Variants in MTURN observed in about 807,000 individuals in gnomAD.
The protein encoded by MTURN is maturin.
A neutral mutation model predicts 14.9 loss-of-function variants in MTURN; 7 were observed. The ratio of observed to expected loss-of-function variants is 0.47; its 90% CI spans 0.27 to 0.88. The LOEUF is 0.88. Among genes scored for constraint, MTURN ranks in the 40% least tolerant of loss-of-function variants. The probability of loss-of-function intolerance (pLI) is 0.14; values close to 1 mark genes in which losing one functional copy is unlikely to be tolerated. For missense variants in MTURN, 151 were observed against 174.1 expected (o/e 0.87, Z 0.75); for synonymous variants, 69 against 72.5 (o/e 0.95, Z 0.25).
At chr7:30,138,261 G>A (rs536895217) in intron 1 of MTURN, among the ~76,000 whole-genome samples, 17 of 152,140 alleles carry the variant, frequency 1.1e-4, no homozygotes, top group South Asian at 4.1e-4. Flanking sequence ...GATTAAAGGC[G>A]TGCACCCCAC....
intron 1 of MTURN, among the ~76,000 whole-genome samples, chr7:30,143,052 G>A (rs1212738518): frequency 6.6e-6 from 1 of 152,124 alleles, no homozygotes; most frequent in African/African-American, 2.4e-5. Context: ...CTGTTCTCAG[G>A]AGCACCAGCC....
At chr7:30,136,010 G>T (rs1405950523) in intron 1 of MTURN, among the ~76,000 whole-genome samples, 2 of 84,222 alleles carry the variant, frequency 2.4e-5, no homozygotes, top group East Asian at 3.7e-4. Flanking sequence ...CCTCACACGC[G>T]CACACTCACG....
intron 1 of MTURN, chr7:30,137,502 C>A: frequency 2.3e-6 from 1 of 425,722 alleles, no homozygotes; most frequent in Non-Finnish European, 4.9e-6. Flanking sequence ...TTCCCATCTG[C>A]ATGAGAAAAA....
Position 30,160,288 on chromosome 7 carries a change from C to CT in MTURN, c.*2741dup, listed in dbSNP as rs1476183046. On this transcript the variant is annotated 3_prime_UTR_variant, in exon 3 of 3. Transcript: ENST00000324453. ...TGTTGATCTGTGAGTGCCCAAGCCC[C>CT]TGAGGGCTCGATCTCATGGGGCAGA... 1.3e-5 allele frequency: 2 copies of CT among 152,328 alleles called. No individual in the cohort carries two copies. The highest frequency in any genetic ancestry group is 2.9e-5 in the Non-Finnish European group (2 of 68,110). 9.4% of individuals were successfully genotyped at this position (152,328 alleles called of 1,614,324 possible). A position where few individuals can be genotyped will look rare whatever the true frequency, so the allele number is the denominator to read the frequency against.
At chr7:30,146,361 C>G in intron 2 of MTURN, 62 bp downstream of exon 2, 1 of 1,600,354 alleles carries the variant, frequency 6.2e-7, no homozygotes, top group Non-Finnish European at 8.5e-7. Flanking sequence ...TTTAGAATAA[C>G]AGGGGCGGTG....
chr7:30,136,442 C>T (rs1050297413), intron 1 of MTURN, among the ~76,000 whole-genome samples: 14 of 152,012 alleles, frequency 9.2e-5, no homozygotes, highest in Non-Finnish European at 1.5e-4. Flanking sequence ...GCCTTGTGGG[C>T]GGAGGTGGGG....
At position 30,157,565 on chromosome 7, in the gene MTURN, G is replaced by A. The variant is rs376639917; in HGVS notation, c.*17G>A. ...CAGCAGTAAATCTGGGGGCTCCCCT[G>A]AGAAGGAGAGTGAGCCCCACAGTAA... On this transcript the variant is annotated 3_prime_UTR_variant, in exon 3 of 3. Transcript: ENST00000324453. The A allele has an allele frequency of 1.6e-5, 25 of 1,576,400 alleles. No individual in the cohort carries two copies. In the African/African-American group the frequency reaches 2.6e-4, roughly 16 times the overall value.
intron 1 of MTURN, among the ~76,000 whole-genome samples, chr7:30,136,705 A>G (rs1320948581): frequency 6.6e-6 from 1 of 152,204 alleles, no homozygotes; most frequent in Non-Finnish European, 1.5e-5. Context: ...GCACTCCAGA[A>G]GAGGGATGGC....
intron 1 of MTURN, among the ~76,000 whole-genome samples, chr7:30,145,309 A>G (rs528110242): frequency 6.6e-6 from 1 of 152,146 alleles, no homozygotes; most frequent in Non-Finnish European, 1.5e-5. Flanking sequence ...CCTGGGCAAC[A>G]TGGCGAAACC....
chr7:30,154,465 A>C (rs1315355065), intron 2 of MTURN, among the ~76,000 whole-genome samples: 3 of 152,166 alleles, frequency 2.0e-5, no homozygotes, highest in Non-Finnish European at 2.9e-5. Context: ...GAGATAATAT[A>C]GCTAGATTAC....
chr7:30,138,696 T>C (rs1241038659), intron 1 of MTURN, among the ~76,000 whole-genome samples: 2 of 152,054 alleles, frequency 1.3e-5, no homozygotes, highest in African/African-American at 2.4e-5. Flanking sequence ...ATTTAAAATA[T>C]AAGCCAGATC....
chr7:30,149,226 G>A (rs1797172418), intron 2 of MTURN, among the ~76,000 whole-genome samples: 1 of 152,244 alleles, frequency 6.6e-6, no homozygotes, highest in African/African-American at 2.4e-5. Flanking sequence ...GTTCTTTCAG[G>A]TGGCGCTGAG....
intron 1 of MTURN, chr7:30,137,685 C>T (rs1375082369): frequency 2.1e-6 from 1 of 471,044 alleles, no homozygotes; most frequent in East Asian, 6.9e-5. Flanking sequence ...TTGAATCTGT[C>T]CCAGGCCAGG....
chr7:30,141,152 C>T (rs1797045181), intron 1 of MTURN: 1 of 152,282 alleles, frequency 6.6e-6, no homozygotes, highest in African/African-American at 2.4e-5. Flanking sequence ...CAGTGGCTCA[C>T]ACCTGTAATC....
At position 30,160,150 on chromosome 7, in the gene MTURN, G is replaced by C. The variant is rs1797347484; in HGVS notation, c.*2602G>C. ...TTCTGTGCCTGCCTTATGTGTGTGT[G>C]TGAGTAAGGAGCAACAGTCAAGGAA... On this transcript the variant is annotated 3_prime_UTR_variant, in exon 3 of 3. Coordinates refer to ENST00000324453, the MANE Select transcript of MTURN (RefSeq NM_152793.3). The C allele has an allele frequency of 6.6e-6, 1 of 152,368 alleles. No homozygotes were observed. The highest frequency in any genetic ancestry group is 6.5e-5 in the Admixed American group (1 of 15,288). 9.4% of individuals were successfully genotyped at this position (152,368 alleles called of 1,614,324 possible).
At chr7:30,155,901 C>A (rs1034093642) in intron 2 of MTURN, among the ~76,000 whole-genome samples, 1 of 152,124 alleles carries the variant, frequency 6.6e-6, no homozygotes, top group Non-Finnish European at 1.5e-5. Flanking sequence ...ACCAGGGAGG[C>A]AATGCAATTG....
chr7:30,149,069 C>T (rs1005764242), intron 2 of MTURN, among the ~76,000 whole-genome samples: 1 of 152,148 alleles, frequency 6.6e-6, no homozygotes, highest in Non-Finnish European at 1.5e-5. Flanking sequence ...GGAAGGGGAG[C>T]TCCAGCCGGG....
At chr7:30,140,539 A>G (rs1472934700) in intron 1 of MTURN, among the ~76,000 whole-genome samples, 2 of 152,088 alleles carry the variant, frequency 1.3e-5, no homozygotes, top group Non-Finnish European at 2.9e-5. Context: ...ATGTGCTGGT[A>G]TAGTGGAGAG....
At chr7:30,149,708 C>T (rs1252565771) in intron 2 of MTURN, among the ~76,000 whole-genome samples, 1 of 152,174 alleles carries the variant, frequency 6.6e-6, no homozygotes. Flanking sequence ...CACAGTTGAA[C>T]GTATTTGTTG....
Sources: allele counts gnomAD v4.1 joint callset (sites outside exome capture counted in the v4.1 genomes callset), GRCh38; gene constraint gnomAD v4.1.1; transcripts MANE v1.5; gene names NCBI Gene and HGNC (gene_info 2026-07-23, HGNC 2026-07-21).